The following GFRA1 variants were observed in gnomAD, a reference collection of about 807,000 sequenced individuals.
The protein encoded by GFRA1 is GDNF family receptor alpha 1, also known as GDNF family receptor alpha-1.
In GFRA1, 16 loss-of-function variants were observed where a neutral mutation model predicts 51.6. That is an observed-to-expected ratio of 0.31 (90% CI 0.21 to 0.47). GFRA1 has a LOEUF of 0.47. GFRA1 is among the 20% of genes least tolerant of loss of function. GFRA1 has a pLI of 1.00. For missense variants in GFRA1, 530 were observed against 594.3 expected (o/e 0.89, Z 1.13); for synonymous variants, 270 against 241.3 (o/e 1.12, Z -1.10).
At chr10:116,269,326 G>A (rs2134818918) in intron 4 of GFRA1, among the ~76,000 whole-genome samples, 177 bp downstream of exon 4, 1 of 152,142 alleles carries the variant, frequency 6.6e-6, no homozygotes, top group East Asian at 1.9e-4. Flanking sequence ...TTACTTTCAA[G>A]TCATACAATC....
At chr10:116,256,745 A>T (rs1968892185) in intron 4 of GFRA1, among the ~76,000 whole-genome samples, 1 of 152,250 alleles carries the variant, frequency 6.6e-6, no homozygotes. Context: ...TTTGGCACAG[A>T]AAACAGCTAG....
intron 6 of GFRA1, among the ~76,000 whole-genome samples, chr10:116,102,065 T>A (rs1956836482): frequency 6.6e-6 from 1 of 152,188 alleles, no homozygotes; most frequent in African/African-American, 2.4e-5. Flanking sequence ...TTCTAGTGGA[T>A]CCCTTGTCTC....
intron 6 of GFRA1, among the ~76,000 whole-genome samples, chr10:116,114,985 T>C (rs1369989132): frequency 6.6e-6 from 1 of 152,108 alleles, no homozygotes; most frequent in Non-Finnish European, 1.5e-5. Flanking sequence ...AAAACCATAA[T>C]GCAAGCCCAG....
At chr10:116,107,389 T>C (rs1957045969) in intron 6 of GFRA1, among the ~76,000 whole-genome samples, 1 of 152,202 alleles carries the variant, frequency 6.6e-6, no homozygotes, top group Non-Finnish European at 1.5e-5. Flanking sequence ...ATCAAATAAC[T>C]TGGCATATGA....
At chr10:116,066,870 C>A (rs1405013343) in intron 9 of GFRA1, among the ~76,000 whole-genome samples, 1 of 152,238 alleles carries the variant, frequency 6.6e-6, no homozygotes, top group Non-Finnish European at 1.5e-5. Context: ...GGCAACCCAG[C>A]TCTGTGTGGA....
intron 4 of GFRA1, among the ~76,000 whole-genome samples, chr10:116,228,019 T>C (rs1966422183): frequency 6.6e-6 from 1 of 152,222 alleles, no homozygotes; most frequent in Admixed American, 6.5e-5. Context: ...AGTTTGTGGC[T>C]TGAGGCATCT....
At chr10:116,215,128 C>A (rs1284212982) in intron 4 of GFRA1, among the ~76,000 whole-genome samples, 1 of 152,128 alleles carries the variant, frequency 6.6e-6, no homozygotes, top group East Asian at 1.9e-4. Flanking sequence ...TCCATTCTTA[C>A]TATTATTTAT....
At chr10:116,142,197 G>A (rs1027920764) in intron 5 of GFRA1, among the ~76,000 whole-genome samples, 2 of 152,152 alleles carry the variant, frequency 1.3e-5, no homozygotes, top group Admixed American at 6.5e-5. Context: ...GCAGCAGGAG[G>A]GAAAAGTGGT....
intron 6 of GFRA1, among the ~76,000 whole-genome samples, chr10:116,121,411 A>G (rs1406337387): frequency 2.0e-5 from 3 of 152,146 alleles, no homozygotes; most frequent in African/African-American, 4.8e-5. Context: ...ACTCTCCCCA[A>G]CTACCTCAAG....
intron 6 of GFRA1, among the ~76,000 whole-genome samples, chr10:116,110,837 A>G (rs1957179078): frequency 6.6e-6 from 1 of 152,150 alleles, no homozygotes; most frequent in African/African-American, 2.4e-5. Flanking sequence ...CCAACCTCCT[A>G]CCACCTGCAT....
chr10:116,123,220 C>T (rs1957718954), intron 6 of GFRA1, among the ~76,000 whole-genome samples: 1 of 152,252 alleles, frequency 6.6e-6, no homozygotes, highest in East Asian at 1.9e-4. Flanking sequence ...CCTTCTGGCA[C>T]ACCCATCCCT....
intron 4 of GFRA1, among the ~76,000 whole-genome samples, chr10:116,247,754 C>A (rs936597546): frequency 3.3e-5 from 5 of 152,162 alleles, no homozygotes; most frequent in Non-Finnish European, 5.9e-5. Context: ...TCACTCTCTG[C>A]CCCCTACCCT....
At chr10:116,112,411 T>C (rs1813460336) in intron 6 of GFRA1, among the ~76,000 whole-genome samples, 1 of 152,156 alleles carries the variant, frequency 6.6e-6, no homozygotes, top group Admixed American at 6.5e-5. Flanking sequence ...TAGTTCTCCC[T>C]GTGGCAAATG....
intron 9 of GFRA1, among the ~76,000 whole-genome samples, chr10:116,070,457 G>A (rs1317185537): frequency 1.3e-5 from 2 of 152,158 alleles, no homozygotes; most frequent in East Asian, 1.9e-4. Flanking sequence ...CCATTTCTCA[G>A]TTTAAATCTA....
chr10:116,092,098 C>T (rs191859628), intron 8 of GFRA1, among the ~76,000 whole-genome samples: 9 of 76,298 alleles, frequency 1.2e-4, no homozygotes, highest in South Asian at 3.9e-4. Flanking sequence ...TACATACGTA[C>T]ACACACACAC....
chr10:116,233,580 A>G (rs1966816000), intron 4 of GFRA1, among the ~76,000 whole-genome samples: 1 of 150,924 alleles, frequency 6.6e-6, no homozygotes, highest in Non-Finnish European at 1.5e-5. Context: ...CCTCCCCAAC[A>G]CTCTCCTTGT....
intron 6 of GFRA1, among the ~76,000 whole-genome samples, chr10:116,116,216 T>C (rs1264192995): frequency 2.0e-5 from 3 of 152,190 alleles, no homozygotes; most frequent in Admixed American, 2.0e-4. Context: ...TACCTCAGCC[T>C]CTGGAGTAGT....
chr10:116,118,445 G>T (rs754863212), intron 6 of GFRA1, among the ~76,000 whole-genome samples: 1 of 152,078 alleles, frequency 6.6e-6, no homozygotes, highest in Non-Finnish European at 1.5e-5. Context: ...TTCCTCTGAC[G>T]CCATGACAGT....
At chr10:116,191,357 ATGTTGCCAAATAAGAAG>A (rs1279484485) in intron 5 of GFRA1, among the ~76,000 whole-genome samples, 1 of 152,198 alleles carries the variant, frequency 6.6e-6, no homozygotes, top group Non-Finnish European at 1.5e-5. Flanking sequence ...TTTTCACCAT[ATGTTGCCAAATAAGAAG>A]CATAATTATA....
Sources: allele counts gnomAD v4.1 joint callset (sites outside exome capture counted in the v4.1 genomes callset), GRCh38; gene constraint gnomAD v4.1.1; transcripts MANE v1.5; gene names NCBI Gene and HGNC (gene_info 2026-07-23, HGNC 2026-07-21).